Variants in ANGPT2 observed in about 807,000 individuals in gnomAD.
ANGPT2 encodes the protein angiopoietin-2.
A neutral mutation model predicts 62.9 loss-of-function variants in ANGPT2; 28 were observed. That is an observed-to-expected ratio of 0.44 (90% CI 0.33 to 0.61). ANGPT2 has a LOEUF of 0.61. Ranked by LOEUF, ANGPT2 falls within the 20% of genes least tolerant of loss-of-function variation. The pLI, the probability that ANGPT2 is intolerant of heterozygous loss-of-function variation, is 0.03. For missense variants in ANGPT2, 727 were observed against 594.9 expected, an observed-to-expected ratio of 1.22 and a Z score of -2.31; for synonymous variants, 284 against 207.8, an observed-to-expected ratio of 1.37 and a Z score of -3.15.
rs1812021113 is a variant in ANGPT2 at position 6,500,803 on chromosome 8, C to T, written c.*2298G>A. 1 of 152,150 alleles carries T rather than the reference C, an allele frequency of 6.6e-6. No homozygotes were observed. The highest frequency in any genetic ancestry group is 2.4e-5 in the African/African-American group (1 of 41,412). 9.4% of individuals were successfully genotyped at this position (152,150 alleles called of 1,614,324 possible). On this transcript the variant is annotated 3_prime_UTR_variant, in exon 9 of 9. Coordinates refer to ENST00000629816, the MANE Select transcript of ANGPT2 (RefSeq NM_001118887.2). The stretch of plus-strand genomic sequence containing the variant: ...TGTAAAGTAAAAACACAAATTCCCC[C>T]CATTCTCGCTCATAAGAGATTATAT...
In ANGPT2 at chr8:6,506,960, C is replaced by T. The variant is rs778914216; in HGVS notation, c.1327+1972G>A. On this transcript the variant is annotated intron_variant, in intron 8 of 8. Coordinates refer to ENST00000629816, the MANE Select transcript of ANGPT2 (RefSeq NM_001118887.2). The stretch of plus-strand genomic sequence containing the variant: ...TCGTCCAGGCTGGATTGTACTGGTG[C>T]GATCTCGGCTCATTGCAAACTCTGT... Among the ~76,000 whole-genome samples the T allele has an allele frequency of 1.1e-3, 162 of 151,530 alleles. 2 individuals carry two copies. The highest frequency in any genetic ancestry group is 2.5e-4 in the Non-Finnish European group (17 of 67,914).
intron 3 of ANGPT2, among the ~76,000 whole-genome samples, chr8:6,525,243 C>T (rs1206091682): frequency 6.6e-6 from 1 of 152,086 alleles, no homozygotes; most frequent in African/African-American, 2.4e-5. Context: ...GTATTCCAGC[C>T]CCCTGATCGT....
chr8:6,506,462 G>T (rs886314599), intron 8 of ANGPT2, among the ~76,000 whole-genome samples: 6 of 152,046 alleles, frequency 3.9e-5, no homozygotes, highest in Non-Finnish European at 7.4e-5. Context: ...GGTTATTAAT[G>T]CAATTCTCCT....
chr8:6,523,839 G>A (rs1279404083), intron 3 of ANGPT2, among the ~76,000 whole-genome samples: 3 of 150,770 alleles, frequency 2.0e-5, no homozygotes, highest in East Asian at 3.9e-4. Flanking sequence ...CGTCCACCTC[G>A]GCCTTCCAAA....
chr8:6,549,777 T>C (rs1823290880), intron 1 of ANGPT2, among the ~76,000 whole-genome samples: 2 of 152,214 alleles, frequency 1.3e-5, no homozygotes, highest in Non-Finnish European at 2.9e-5. Context: ...GTCCTCTATA[T>C]CTTGAGCTGG....
intron 7 of ANGPT2, among the ~76,000 whole-genome samples, chr8:6,509,361 G>A (rs1814469770): frequency 6.6e-6 from 1 of 152,208 alleles, no homozygotes; most frequent in Non-Finnish European, 1.5e-5. Flanking sequence ...ATAAACAGAA[G>A]AGAAAGAAAT....
intron 1 of ANGPT2, among the ~76,000 whole-genome samples, chr8:6,549,711 G>A (rs1221341143): frequency 2.0e-5 from 3 of 151,668 alleles, no homozygotes; most frequent in African/African-American, 7.3e-5. Context: ...TCATTACACA[G>A]GTGCGCACAG....
intron 1 of ANGPT2, among the ~76,000 whole-genome samples, chr8:6,539,368 G>A (rs1378298034): frequency 6.6e-6 from 1 of 152,174 alleles, no homozygotes; most frequent in Non-Finnish European, 1.5e-5. Flanking sequence ...TTCACGTTCA[G>A]TGTAAGGCCC....
chr8:6,541,583 T>C (rs1821586661), intron 1 of ANGPT2, among the ~76,000 whole-genome samples: 1 of 152,234 alleles, frequency 6.6e-6, no homozygotes, highest in South Asian at 2.1e-4. Context: ...CTCTGAGTTA[T>C]TCTGCAGACT....
At chr8:6,536,790 G>T (rs1156857035) in intron 1 of ANGPT2, among the ~76,000 whole-genome samples, 1 of 152,094 alleles carries the variant, frequency 6.6e-6, no homozygotes, top group East Asian at 1.9e-4. Context: ...TGGATAGACA[G>T]ACCTTGAAAT....
chr8:6,556,824 A>G (rs999058312), intron 1 of ANGPT2, among the ~76,000 whole-genome samples: 1 of 151,964 alleles, frequency 6.6e-6, no homozygotes, highest in Admixed American at 6.6e-5. Context: ...CCTGGCCTCA[A>G]AGTGTCTTCC....
At chr8:6,515,484 G>C (rs115683609) in intron 5 of ANGPT2, among the ~76,000 whole-genome samples, 1,882 of 152,242 alleles carry the variant, frequency 0.012, 37 homozygotes, top group African/African-American at 0.043. Flanking sequence ...TTTTCTCTAA[G>C]CAACTCTTTT....
Position 6,513,790 on chromosome 8 carries a change from G to T in ANGPT2, c.1084C>A (p.Leu362Met), listed in dbSNP as rs752142320. ...YWLGNEFVSQ[L>M]TNQQRYVLKI... ...AGCACATAGCGTTGCTGATTAGTCAGTTGCGAAACAAACTCATTTCCCAGC... is the reference window on the plus strand; with the variant it reads ...AGCACATAGCGTTGCTGATTAGTCATTTGCGAAACAAACTCATTTCCCAGC... Residue 362 changes from leucine (L) to methionine (M), a missense_variant, in exon 7 of 9, where the codon CTG becomes ATG. Coordinates refer to ENST00000629816, the MANE Select transcript of ANGPT2 (RefSeq NM_001118887.2). 18 of 1,613,882 alleles carry T rather than the reference G, an allele frequency of 1.1e-5. No individual in the cohort carries two copies. The highest frequency in any genetic ancestry group is 1.4e-5 in the Non-Finnish European group (17 of 1,180,000).
At position 6,541,963 on chromosome 8, in the gene ANGPT2, G is replaced by A. The variant is rs187922500; in HGVS notation, c.289-9476C>T. ...GTTGAGGCTGCAGTGAGCCGTGATC[G>A]TGCCACTGCACTCCAGCCTGGGTGA... is the stretch of plus-strand genomic sequence containing the variant. On this transcript the variant is annotated intron_variant, in intron 1 of 8. Coordinates refer to ENST00000629816, the MANE Select transcript of ANGPT2 (RefSeq NM_001118887.2). 1.2e-4 allele frequency among the ~76,000 whole-genome samples: 18 copies of A among 150,234 alleles called. No homozygotes were observed. The East Asian group carries it at 3.3e-3, about 28-fold the overall frequency.
chr8:6,531,062 G>C (rs1345140767), intron 2 of ANGPT2, among the ~76,000 whole-genome samples: 1 of 152,158 alleles, frequency 6.6e-6, no homozygotes, highest in Non-Finnish European at 1.5e-5. Context: ...AGCATGTAAA[G>C]AAGCCAGGAT....
At position 6,521,277 on chromosome 8, in the gene ANGPT2, T is replaced by C. The variant is rs779797623; in HGVS notation, c.700A>G (p.Ile234Val). 5 of 1,579,620 alleles carry C rather than the reference T, an allele frequency of 3.2e-6. No homozygotes were observed. Among genetic ancestry groups the C allele is most frequent in the Non-Finnish European group, 4.3e-6 (5 of 1,154,724 alleles). ...GAATTATTCACCGTGGCAGTCACTA[T>C]TTTTTTTTCTAGTTCTTCAATGATG... Reference protein sequence around the residue: ...NSIIEELEKKIVTATVNNSVL... With the variant: ...NSIIEELEKKVVTATVNNSVL... The change falls in exon 4 of 9, where the codon ATA (isoleucine) becomes GTA (valine). Residue 234 changes from isoleucine (I) to valine (V), a missense_variant. Ile to Val is a conservative substitution (Grantham distance 29, BLOSUM62 3). Transcript: ENST00000629816.
Position 6,514,785 on chromosome 8 carries a change from A to G in ANGPT2, c.928-7T>C. 6.2e-7 allele frequency: 1 copy of G among 1,613,002 alleles called. No individual in the cohort carries two copies. The highest frequency in any genetic ancestry group is 8.5e-7 in the Non-Finnish European group (1 of 1,179,152). On this transcript the variant is annotated splice_region_variant and splice_polypyrimidine_tract_variant and intron_variant, in intron 5 of 8. Coordinates refer to ENST00000629816, the MANE Select transcript of ANGPT2 (RefSeq NM_001118887.2). The stretch of plus-strand genomic sequence containing the variant: ...CTTCCATGTCACAGTAGGCCTGCAA[A>G]CAGGAATGCAGGGTATAAGTGACAG...
At chr8:6,561,824 C>T (rs116956286) in intron 1 of ANGPT2, among the ~76,000 whole-genome samples, 1,716 of 152,192 alleles carry the variant, frequency 0.011, 16 homozygotes, top group Middle Eastern at 0.034. Flanking sequence ...TTTCAATATC[C>T]TATTTTGGTT....
intron 8 of ANGPT2, 187 bp downstream of exon 8, chr8:6,508,745 C>A (rs952247283): frequency 5.2e-5 from 41 of 795,168 alleles, no homozygotes; most frequent in South Asian, 3.4e-5. Context: ...AGCTCCATAT[C>A]ATATTCTCAC....
Sources: gnomAD v4.1 joint callset for allele counts (sites outside exome capture counted in the v4.1 genomes callset) on GRCh38, gnomAD v4.1.1 for gene constraint, MANE v1.5 for transcripts, NCBI Gene and HGNC (gene_info 2026-07-23, HGNC 2026-07-21) for gene names.